The following CD96 variants were observed in gnomAD, a reference collection of about 807,000 sequenced individuals.
The protein encoded by CD96 is T-cell surface protein tactile.
A neutral mutation model predicts 71.3 loss-of-function variants in CD96; 70 were observed. The observed-to-expected ratio is 0.98, with a 90% CI of 0.81 to 1.20. The LOEUF is 1.20. Among genes scored for constraint, CD96 ranks in the 50% most tolerant of loss-of-function variants. The probability of loss-of-function intolerance (pLI) is 0.00; values close to 1 mark genes in which losing one functional copy is unlikely to be tolerated. For missense variants in CD96, 742 were observed against 677.5 expected, an observed-to-expected ratio of 1.10 and a Z score of -1.06; for synonymous variants, 248 against 233.0, an observed-to-expected ratio of 1.06 and a Z score of -0.59.
intron 12 of CD96, among the ~76,000 whole-genome samples, chr3:111,640,640 C>T (rs972243180): frequency 6.6e-6 from 1 of 152,162 alleles, no homozygotes; most frequent in African/African-American, 2.4e-5. Context: ...ACAAAGAACA[C>T]CTGGGAAATT....
At chr3:111,547,709 T>G (rs1286139637) in intron 2 of CD96, among the ~76,000 whole-genome samples, 2 of 152,240 alleles carry the variant, frequency 1.3e-5, no homozygotes, top group South Asian at 2.1e-4. Context: ...TATCTATACT[T>G]TTTGCGGTTG....
chr3:111,574,704 T>C (rs1015533721), intron 3 of CD96, among the ~76,000 whole-genome samples: 9 of 152,160 alleles, frequency 5.9e-5, no homozygotes, highest in Non-Finnish European at 7.3e-5. Flanking sequence ...TTTGTTTGTG[T>C]GTACATGTTT....
At chr3:111,637,533 A>G (rs1276931029) in intron 11 of CD96, among the ~76,000 whole-genome samples, 2 of 152,144 alleles carry the variant, frequency 1.3e-5, no homozygotes, top group African/African-American at 4.8e-5. Flanking sequence ...ATAAATTTCA[A>G]TTTTTTTATT....
At chr3:111,655,266 C>G (rs1940201552), downstream of CD96, among the ~76,000 whole-genome samples, 1 of 152,116 alleles carries the variant, frequency 6.6e-6, no homozygotes, top group South Asian at 2.1e-4. Flanking sequence ...GTCTGACAAG[C>G]ACTTTTCCTG....
At chr3:111,555,949 T>A (rs1174435820) in intron 2 of CD96, among the ~76,000 whole-genome samples, 1 of 152,304 alleles carries the variant, frequency 6.6e-6, no homozygotes. Context: ...CTGTTTTCAT[T>A]TCTTTCAATC....
chr3:111,555,015 A>G (rs1051599957), intron 2 of CD96, among the ~76,000 whole-genome samples: 1 of 152,058 alleles, frequency 6.6e-6, no homozygotes, highest in African/African-American at 2.4e-5. Context: ...GCAGCCACTG[A>G]TTTGGCAGGA....
chr3:111,610,110 T>G (rs1016294258), intron 8 of CD96, among the ~76,000 whole-genome samples: 7 of 152,242 alleles, frequency 4.6e-5, no homozygotes, highest in African/African-American at 7.2e-5. Flanking sequence ...AAATCAAATC[T>G]GGATTTCTGT....
intron 2 of CD96, among the ~76,000 whole-genome samples, chr3:111,555,753 G>GT (rs1212421840): frequency 1.3e-5 from 2 of 152,286 alleles, no homozygotes; most frequent in Non-Finnish European, 2.9e-5. Flanking sequence ...TCCTATTCAG[G>GT]TTTTGTTAAA....
intron 14 of CD96, chr3:111,665,478 C>T (rs1345499424): frequency 2.6e-5 from 4 of 152,076 alleles, no homozygotes; most frequent in Non-Finnish European, 4.4e-5. Flanking sequence ...AGGATTCATC[C>T]CATAAGTTCG....
At chr3:111,607,097 A>T in intron 8 of CD96, 1 of 384,534 alleles carries the variant, frequency 2.6e-6, no homozygotes, top group Non-Finnish European at 4.8e-6. Context: ...TATCATTCTC[A>T]TGGCTTCAAA....
At chr3:111,571,928 T>C (rs1436168298) in intron 3 of CD96, among the ~76,000 whole-genome samples, 1 of 151,992 alleles carries the variant, frequency 6.6e-6, no homozygotes. Flanking sequence ...TGCCTGACAG[T>C]TCATAAACCA....
chr3:111,646,194 A>T (rs1939820229), intron 12 of CD96, among the ~76,000 whole-genome samples: 1 of 152,152 alleles, frequency 6.6e-6, no homozygotes, highest in Admixed American at 6.6e-5. Flanking sequence ...ATCATTAGCA[A>T]TAACAAAGTC....
downstream of CD96, among the ~76,000 whole-genome samples, chr3:111,656,677 A>G (rs879751359): frequency 6.6e-6 from 1 of 152,232 alleles, no homozygotes; most frequent in Non-Finnish European, 1.5e-5. Flanking sequence ...TGCAGTTGTA[A>G]AAACAAAAAA....
intron 10 of CD96, among the ~76,000 whole-genome samples, chr3:111,631,482 A>G (rs1039193100): frequency 2.0e-5 from 3 of 152,218 alleles, no homozygotes; most frequent in Middle Eastern, 3.2e-3. Flanking sequence ...CCACTGCTCA[A>G]AGAAATCAGA....
At chr3:111,620,550 G>A (rs996089062) in intron 8 of CD96, among the ~76,000 whole-genome samples, 2 of 152,160 alleles carry the variant, frequency 1.3e-5, no homozygotes, top group African/African-American at 4.8e-5. Flanking sequence ...TAGTAAAGGG[G>A]TCATTATCCC....
At chr3:111,547,965 G>A (rs943456950) in intron 2 of CD96, among the ~76,000 whole-genome samples, 3 of 152,132 alleles carry the variant, frequency 2.0e-5, no homozygotes, top group African/African-American at 7.2e-5. Context: ...TGAGAGCTCT[G>A]TCAAGTTCAC....
At chr3:111,631,517 C>T (rs1939060550) in intron 10 of CD96, among the ~76,000 whole-genome samples, 1 of 152,174 alleles carries the variant, frequency 6.6e-6, no homozygotes, top group Non-Finnish European at 1.5e-5. Flanking sequence ...AAAAACATTC[C>T]ATGCACATGG....
At position 111,567,455 on chromosome 3, in the gene CD96, C is replaced by T. The variant is rs976676936; in HGVS notation, c.419-68C>T. On this transcript the variant is annotated intron_variant, in intron 2 of 13. Transcript: ENST00000352690. ...CCCTATACTAAAACTGTTTTTGTCT[C>T]TTTGATAAAAAGCACTTTACAAACC... 21 of 1,379,550 alleles carry T rather than the reference C, an allele frequency of 1.5e-5. No homozygotes were observed. The African/African-American group carries it at 2.4e-4, about 16-fold the overall frequency. The allele number at this position is 1,379,550 out of a possible 1,614,324, so 85.5% of individuals were successfully genotyped here.
chr3:111,582,258 A>G (rs1042781518), intron 4 of CD96, among the ~76,000 whole-genome samples: 6 of 152,232 alleles, frequency 3.9e-5, no homozygotes, highest in African/African-American at 1.4e-4. Flanking sequence ...CACTGACAGC[A>G]TCTGTGACTG....
Sources: gnomAD v4.1 joint callset for allele counts (sites outside exome capture counted in the v4.1 genomes callset) on GRCh38, gnomAD v4.1.1 for gene constraint, MANE v1.5 for transcripts, NCBI Gene and HGNC (gene_info 2026-07-23, HGNC 2026-07-21) for gene names.